The following CD96 variants were observed in gnomAD, a reference collection of about 807,000 sequenced individuals.
The protein encoded by CD96 is T-cell surface protein tactile.
A neutral mutation model predicts 71.3 loss-of-function variants in CD96; 70 were observed. The ratio of observed to expected loss-of-function variants is 0.98; its 90% CI spans 0.81 to 1.20. CD96 has a LOEUF of 1.20. Among genes scored for constraint, CD96 ranks in the 50% most tolerant of loss-of-function variants. The pLI, the probability that CD96 is intolerant of heterozygous loss-of-function variation, is 0.00. For missense variants in CD96, 742 were observed against 677.5 expected (o/e 1.10, Z -1.06); for synonymous variants, 248 against 233.0 (o/e 1.06, Z -0.59).
At chr3:111,601,001 C>A (rs1033004980) in intron 7 of CD96, 87 bp downstream of exon 7, 15 of 864,666 alleles carry the variant, frequency 1.7e-5, no homozygotes, top group Admixed American at 1.3e-4. Context: ...TTATCACTTC[C>A]ATAACGTTTT....
intron 3 of CD96, among the ~76,000 whole-genome samples, chr3:111,567,955 A>G (rs994515095): frequency 6.6e-6 from 1 of 152,256 alleles, no homozygotes; most frequent in African/African-American, 2.4e-5. Context: ...GAAAGGAGCC[A>G]TATTCAGCAG....
chr3:111,617,104 G>C (rs759123878), intron 8 of CD96, among the ~76,000 whole-genome samples: 9 of 152,206 alleles, frequency 5.9e-5, no homozygotes, highest in Non-Finnish European at 1.0e-4. Context: ...GACTTTGGGC[G>C]CCAAGGAGCA....
chr3:111,560,037 CT>C (rs1190167036), intron 2 of CD96, among the ~76,000 whole-genome samples: 2 of 133,464 alleles, frequency 1.5e-5, no homozygotes, highest in Non-Finnish European at 3.2e-5. Context: ...CAACCCCTGC[CT>C]TTTTTTGTTT....
intron 10 of CD96, among the ~76,000 whole-genome samples, chr3:111,632,149 A>G (rs901571776): frequency 2.0e-5 from 3 of 152,252 alleles, no homozygotes; most frequent in Non-Finnish European, 2.9e-5. Context: ...AAGCTTATGC[A>G]CAGCAAAAGA....
chr3:111,605,810 A>G (rs1168295256), intron 7 of CD96, among the ~76,000 whole-genome samples: 2 of 152,240 alleles, frequency 1.3e-5, no homozygotes, highest in African/African-American at 4.8e-5. Flanking sequence ...CTTAAAGTAC[A>G]TTACAGAATA....
In CD96 at chr3:111,660,631, A is replaced by G. The variant is rs115045066; in HGVS notation, c.*53-4896A>G. On this transcript the variant is annotated intron_variant and NMD_transcript_variant, in intron 14 of 14. Transcript: ENST00000494798. ...CAACTTCAAATTATACTATAAAGCT[A>G]CAGTAACCAAAGCAGCTTGGTTCTG... Among the ~76,000 whole-genome samples, 1,113 of 152,346 alleles carry G rather than the reference A, an allele frequency of 7.3e-3. 15 individuals carry two copies. The highest frequency in any genetic ancestry group is 0.026 in the African/African-American group (1,070 of 41,572).
chr3:111,661,738 C>T (rs925435791), intron 14 of CD96, among the ~76,000 whole-genome samples: 5 of 152,222 alleles, frequency 3.3e-5, no homozygotes, highest in Admixed American at 6.5e-5. Context: ...TGGAAAGCTC[C>T]GCCCCTGTGA....
At chr3:111,638,207 A>G (rs1221756546) in intron 12 of CD96, 39 bp downstream of exon 12, 2 of 1,187,002 alleles carry the variant, frequency 1.7e-6, no homozygotes, top group African/African-American at 3.0e-5. Context: ...TTTATGCTTT[A>G]TTCACTCAAT....
chr3:111,618,762 G>A (rs1457355685), intron 8 of CD96, among the ~76,000 whole-genome samples: 1 of 151,644 alleles, frequency 6.6e-6, no homozygotes, highest in East Asian at 1.9e-4. Context: ...AGTAGAGACG[G>A]GGGTTTCACC....
chr3:111,618,666 G>A (rs1292313451), intron 8 of CD96, among the ~76,000 whole-genome samples: 1 of 146,588 alleles, frequency 6.8e-6, no homozygotes, highest in Non-Finnish European at 1.5e-5. Context: ...CTCACTGCAA[G>A]CTCCGCCTCC....
In CD96 at chr3:111,606,945, T is replaced by C. The variant is rs1049466635; in HGVS notation, c.1180+153T>C. ...ATTTTTTAACAGCTTTATTGAGATA[T>C]AATTCACGTCACATTAACTTGCCCA... is the stretch of plus-strand genomic sequence containing the variant. On this transcript the variant is annotated intron_variant, in intron 8 of 13. Coordinates refer to ENST00000352690, the MANE Select transcript of CD96 (RefSeq NM_005816.5). 33 of 692,636 alleles carry C rather than the reference T, an allele frequency of 4.8e-5. No homozygotes were observed. The Middle Eastern group carries it at 1.0e-3, about 21-fold the overall frequency. The allele number at this position is 692,636 out of a possible 1,614,324, so 42.9% of individuals were successfully genotyped here.
rs1935329282 is a variant in CD96, at chr3:111,560,455, C to T, written c.419-7068C>T. Among the ~76,000 whole-genome samples, 6 of 140,906 alleles carry T rather than the reference C, an allele frequency of 4.3e-5. No individual in the cohort carries two copies. The South Asian group carries it at 1.4e-3, about 34-fold the overall frequency. 92.4% of individuals were successfully genotyped at this position (140,906 alleles called of 152,430 possible). ...CTTGTCTGTAAAGTATTTAATTTCT[C>T]CTTCACTTATGAAGCTTAGTTTGGC... On this transcript the variant is annotated intron_variant, in intron 2 of 13. Transcript: ENST00000352690.
chr3:111,647,088 TAAA>T (rs11337310), intron 12 of CD96, among the ~76,000 whole-genome samples: 90 of 98,910 alleles, frequency 9.1e-4, no homozygotes, highest in African/African-American at 3.1e-3. Context: ...GGGTAAAGAT[TAAA>T]AAAAAAAAAA....
At chr3:111,580,089 G>A (rs1936398341) in intron 4 of CD96, among the ~76,000 whole-genome samples, 1 of 152,172 alleles carries the variant, frequency 6.6e-6, no homozygotes, top group African/African-American at 2.4e-5. Context: ...AGAAACTGCA[G>A]AAGTTCCTCC....
downstream of CD96, among the ~76,000 whole-genome samples, chr3:111,657,353 G>T (rs545268969): frequency 3.8e-4 from 58 of 152,206 alleles, no homozygotes; most frequent in Middle Eastern, 6.8e-3. Context: ...AGGAGGTGGA[G>T]GTTGTGGTGA....
At chr3:111,561,507 C>G (rs1179831273) in intron 2 of CD96, among the ~76,000 whole-genome samples, 7 of 147,708 alleles carry the variant, frequency 4.7e-5, no homozygotes, top group East Asian at 2.0e-4. Flanking sequence ...GGGTGCCTCC[C>G]AGTTAGGCTG....
chr3:111,652,402 A>G (rs1209342722), downstream of CD96: 3 of 152,188 alleles, frequency 2.0e-5, no homozygotes, highest in East Asian at 5.8e-4. Flanking sequence ...CTGTTTTACT[A>G]TAATATATGA....
At chr3:111,622,492 G>C (rs1938563100) in intron 8 of CD96, among the ~76,000 whole-genome samples, 1 of 152,164 alleles carries the variant, frequency 6.6e-6, no homozygotes, top group Non-Finnish European at 1.5e-5. Context: ...TGCAAAAAAA[G>C]GTTATCATTG....
chr3:111,619,230 A>G (rs900532775), intron 8 of CD96, among the ~76,000 whole-genome samples: 1 of 150,888 alleles, frequency 6.6e-6, no homozygotes, highest in Non-Finnish European at 1.5e-5. Context: ...TTCTAACTTA[A>G]TTGAATTTCC....
Sources: allele counts gnomAD v4.1 joint callset (sites outside exome capture counted in the v4.1 genomes callset), GRCh38; gene constraint gnomAD v4.1.1; transcripts MANE v1.5; gene names NCBI Gene and HGNC (gene_info 2026-07-23, HGNC 2026-07-21).